RPH3A: variants seen among roughly 807,000 people sequenced by gnomAD.
RPH3A encodes the protein rabphilin-3A.
A neutral mutation model predicts 102.2 loss-of-function variants in RPH3A; 48 were observed. That is an observed-to-expected ratio of 0.47 (90% CI 0.37 to 0.60). The LOEUF is 0.60. Ranked by LOEUF, RPH3A falls within the 20% of genes least tolerant of loss-of-function variation. The pLI is 0.00. For synonymous variants in RPH3A, 310 were observed against 324.3 expected (o/e 0.96, Z 0.47); for missense variants, 781 against 910.1 (o/e 0.86, Z 1.83).
intron 1 of RPH3A, among the ~76,000 whole-genome samples, chr12:112,612,680 C>T (rs1395156241): frequency 6.6e-6 from 1 of 151,420 alleles, no homozygotes; most frequent in Non-Finnish European, 1.5e-5. Context: ...TCCCCCTGCC[C>T]CAGCCTCCTG....
At chr12:112,599,485 C>G (rs2039542651) in intron 1 of RPH3A, among the ~76,000 whole-genome samples, 1 of 152,140 alleles carries the variant, frequency 6.6e-6, no homozygotes, top group South Asian at 2.1e-4. Context: ...GTGAGAACCT[C>G]TACTGTCAAG....
At chr12:112,580,263 T>C (rs1344845168) in intron 1 of RPH3A, among the ~76,000 whole-genome samples, 1 of 151,944 alleles carries the variant, frequency 6.6e-6, no homozygotes, top group Non-Finnish European at 1.5e-5. Context: ...TCTTTATCTC[T>C]GTCTTTCTAT....
Position 112,855,757 on chromosome 12 carries a change from C to T in RPH3A, c.230+7915C>T, listed in dbSNP as rs184504261. On this transcript the variant is annotated intron_variant, in intron 5 of 21. Transcript: ENST00000389385. The stretch of plus-strand genomic sequence containing the variant: ...CCATTTCCCCATTCCCAGCAGATGG[C>T]CCAATTTTGACTTCAGAAAGTGCCA... 1.2e-3 allele frequency among the ~76,000 whole-genome samples: 186 copies of T among 152,250 alleles called. 1 individual carries two copies. The highest frequency in any genetic ancestry group is 3.3e-3 in the African/African-American group (138 of 41,522).
intron 1 of RPH3A, among the ~76,000 whole-genome samples, chr12:112,714,880 C>T (rs2040503580): frequency 6.6e-6 from 1 of 152,196 alleles, no homozygotes; most frequent in Admixed American, 6.5e-5. Context: ...TATAGCCGGT[C>T]TATTTTTGCT....
At chr12:112,698,464 C>T (rs1255671254) in intron 1 of RPH3A, among the ~76,000 whole-genome samples, 2 of 152,112 alleles carry the variant, frequency 1.3e-5, no homozygotes, top group East Asian at 3.8e-4. Context: ...GATGACAAGC[C>T]ACAGACTTAA....
chr12:112,624,115 C>G (rs1325648903), intron 1 of RPH3A, among the ~76,000 whole-genome samples: 1 of 140,124 alleles, frequency 7.1e-6, no homozygotes, highest in Non-Finnish European at 1.5e-5. Flanking sequence ...CAGGAAAGAT[C>G]CAAAATTGAC....
At chr12:112,869,840 C>G in intron 9 of RPH3A, 43 bp downstream of exon 9, 1 of 1,614,148 alleles carries the variant, frequency 6.2e-7, no homozygotes, top group Non-Finnish European at 8.5e-7. Flanking sequence ...GACACGAATT[C>G]ACCTAATTCC....
chr12:112,690,590 G>A (rs1264904701), intron 1 of RPH3A, among the ~76,000 whole-genome samples: 1 of 152,152 alleles, frequency 6.6e-6, no homozygotes, highest in East Asian at 1.9e-4. Context: ...AGAATCCATC[G>A]ATGAAAGAGT....
chr12:112,659,013 C>A (rs554036398), intron 1 of RPH3A, among the ~76,000 whole-genome samples: 4 of 152,188 alleles, frequency 2.6e-5, no homozygotes, highest in Non-Finnish European at 4.4e-5. Flanking sequence ...TTGTTATGTA[C>A]TTAGCCATTT....
chr12:112,738,621 G>A (rs574894251), intron 1 of RPH3A, among the ~76,000 whole-genome samples: 1 of 152,196 alleles, frequency 6.6e-6, no homozygotes, highest in East Asian at 1.9e-4. Flanking sequence ...GGGTCCCCTG[G>A]AAGGTGAGTG....
Position 112,709,204 on chromosome 12 carries a change from A to T in RPH3A, c.-139-82939A>T, listed in dbSNP as rs534005554. Among the ~76,000 whole-genome samples, 4 of 152,306 alleles carry T rather than the reference A, an allele frequency of 2.6e-5. No homozygotes were observed. The South Asian group carries it at 8.3e-4, about 32-fold the overall frequency. Reference sequence around the variant, plus strand: ...AAAAAGTGAGCTGTTTAGGTACCTGACCACTCTTAGTTCCAGTAAATACTT... The same window carrying T: ...AAAAAGTGAGCTGTTTAGGTACCTGTCCACTCTTAGTTCCAGTAAATACTT... On this transcript the variant is annotated intron_variant, in intron 1 of 21. Transcript: ENST00000543106.
intron 4 of RPH3A, among the ~76,000 whole-genome samples, chr12:112,843,898 GA>G (rs2136183314): frequency 6.6e-6 from 1 of 152,242 alleles, no homozygotes; most frequent in East Asian, 1.9e-4. Context: ...AAGGGTAGGT[GA>G]TCTTCATTAC....
intron 1 of RPH3A, among the ~76,000 whole-genome samples, chr12:112,747,517 A>G (rs1048768417): frequency 6.6e-6 from 1 of 152,134 alleles, no homozygotes; most frequent in Non-Finnish European, 1.5e-5. Flanking sequence ...TTTTAATGAC[A>G]TTTCTATGAC....
At chr12:112,665,469 C>T (rs1384095341) in intron 1 of RPH3A, among the ~76,000 whole-genome samples, 1 of 152,208 alleles carries the variant, frequency 6.6e-6, no homozygotes, top group Non-Finnish European at 1.5e-5. Context: ...CGACTAATCA[C>T]TTAACCTTCT....
intron 1 of RPH3A, among the ~76,000 whole-genome samples, chr12:112,586,513 G>A (rs1204479534): frequency 6.6e-6 from 1 of 152,100 alleles, no homozygotes; most frequent in African/African-American, 2.4e-5. Context: ...TGGCAAGGGT[G>A]AAGGCTATGA....
intron 1 of RPH3A, among the ~76,000 whole-genome samples, chr12:112,684,198 T>G (rs1379019088): frequency 6.6e-6 from 1 of 152,182 alleles, no homozygotes; most frequent in African/African-American, 2.4e-5. Flanking sequence ...CCTAAAACAT[T>G]GTACCAGTTT....
intron 1 of RPH3A, chr12:112,650,809 A>G (rs763776114): frequency 1.3e-5 from 2 of 150,990 alleles, no homozygotes; most frequent in Non-Finnish European, 3.0e-5. Flanking sequence ...GTTCACCGCA[A>G]CCTCCGCCTC....
chr12:112,790,422 G>T (rs1318962053), upstream of RPH3A, among the ~76,000 whole-genome samples: 2 of 152,160 alleles, frequency 1.3e-5, no homozygotes, highest in Non-Finnish European at 2.9e-5. Flanking sequence ...TAACTCCTGG[G>T]TCTCATGGGG....
chr12:112,760,800 A>G (rs967630232), intron 1 of RPH3A, among the ~76,000 whole-genome samples: 8 of 152,232 alleles, frequency 5.3e-5, no homozygotes, highest in Non-Finnish European at 1.2e-4. Context: ...TGCGCATGGC[A>G]GCCATCGATA....
Sources: gnomAD v4.1 joint callset for allele counts (sites outside exome capture counted in the v4.1 genomes callset) on GRCh38, gnomAD v4.1.1 for gene constraint, MANE v1.5 for transcripts, NCBI Gene and HGNC (gene_info 2026-07-23, HGNC 2026-07-21) for gene names.